Variants in CRYL1 observed in about 807,000 individuals in gnomAD.
CRYL1 encodes crystallin lambda 1.
A neutral mutation model predicts 36.6 loss-of-function variants in CRYL1; 29 were observed. The ratio of observed to expected loss-of-function variants is 0.79; its 90% confidence interval spans 0.59 to 1.08. The LOEUF is 1.08. Among genes scored for constraint, CRYL1 ranks in the 50% least tolerant of loss-of-function variants. The pLI is 0.00. For missense variants in CRYL1, 411 were observed against 407.9 expected (o/e 1.01, Z -0.06); for synonymous variants, 152 against 151.5 (o/e 1.00, Z -0.02).
At chr13:20,428,582 A>G (rs904718070) in intron 5 of CRYL1, among the ~76,000 whole-genome samples, 1 of 152,126 alleles carries the variant, frequency 6.6e-6, no homozygotes, top group Non-Finnish European at 1.5e-5. Flanking sequence ...AAGTCAATCC[A>G]TGGGATCCCT....
chr13:20,410,370 C>T (rs1173375230), intron 6 of CRYL1, among the ~76,000 whole-genome samples: 4 of 125,802 alleles, frequency 3.2e-5, no homozygotes, highest in African/African-American at 1.2e-4. Context: ...ACATCACACT[C>T]TGGGGACTGT....
intron 2 of CRYL1, among the ~76,000 whole-genome samples, chr13:20,505,152 T>TA (rs1332750936): frequency 1.3e-5 from 2 of 152,026 alleles, no homozygotes; most frequent in Non-Finnish European, 1.5e-5. Context: ...GATCAGGAGT[T>TA]AGAGACCAGC....
chr13:20,507,690 A>T (rs7995977), intron 2 of CRYL1, among the ~76,000 whole-genome samples: 261 of 151,986 alleles, frequency 1.7e-3, no homozygotes, highest in Middle Eastern at 0.01. Flanking sequence ...AGGCCAAGGC[A>T]GGCGGATCAC....
In CRYL1 at chr13:20,415,996, C is replaced by G. The variant is rs1205088419; in HGVS notation, c.634-2609G>C. On this transcript the variant is annotated intron_variant, in intron 5 of 7. Transcript: ENST00000298248. The surrounding 1 kb of genome is among the most constrained non-coding windows in gnomAD (Gnocchi z 4.1). ...TAGTCTGGGGCTCCTGTGAGCAGGG[C>G]AGCCAGGGTCACGCGCACAGGGCCC... Among the ~76,000 whole-genome samples, 1 of 152,218 alleles carries G rather than the reference C, an allele frequency of 6.6e-6. No homozygotes were observed. The highest frequency in any genetic ancestry group is 2.1e-4 in the South Asian group (1 of 4,838).
intron 3 of CRYL1, among the ~76,000 whole-genome samples, chr13:20,471,478 G>C (rs57102684): frequency 6.6e-6 from 1 of 151,830 alleles, no homozygotes. Context: ...GGTGGCGGTC[G>C]CCTGTAGTCC....
chr13:20,447,701 A>G lies in CRYL1; in HGVS notation c.277-7947T>C, dbSNP rs181239382. On this transcript the variant is annotated intron_variant, in intron 3 of 7. Transcript: ENST00000298248. ...ACCCCACAAAACCCTCTGGCCAACC[A>G]GTCCTCATCTTAAATACAAGGCATT... 2.7e-3 allele frequency among the ~76,000 whole-genome samples: 410 copies of G among 152,354 alleles called. 1 individual carries two copies. The highest frequency in any genetic ancestry group is 4.3e-3 in the Non-Finnish European group (292 of 68,034).
At chr13:20,428,134 A>T (rs1006008949) in intron 5 of CRYL1, among the ~76,000 whole-genome samples, 4 of 152,236 alleles carry the variant, frequency 2.6e-5, no homozygotes, top group African/African-American at 9.7e-5. Context: ...TCTTCCAGAA[A>T]ATAGGAGGAA....
intron 1 of CRYL1, among the ~76,000 whole-genome samples, chr13:20,523,727 A>T (rs1303009146): frequency 7.5e-4 from 114 of 152,046 alleles, no homozygotes; most frequent in Non-Finnish European, 1.5e-4. Flanking sequence ...GGGAAAGACA[A>T]GATTTTCACA....
At chr13:20,446,351 A>T (rs1042864278) in intron 3 of CRYL1, among the ~76,000 whole-genome samples, 5 of 152,184 alleles carry the variant, frequency 3.3e-5, no homozygotes, top group Non-Finnish European at 7.3e-5. Flanking sequence ...ACCTCAGGTG[A>T]TCCACCTGCC....
chr13:20,404,344 C>A, intron 7 of CRYL1, 102 bp from the exon 8 acceptor site: 1 of 787,638 alleles, frequency 1.3e-6, no homozygotes, highest in Non-Finnish European at 2.1e-6. Flanking sequence ...AAACTGCTTT[C>A]AAAGACAAAA....
chr13:20,428,123 C>G (rs887601115), intron 5 of CRYL1, among the ~76,000 whole-genome samples: 3 of 152,194 alleles, frequency 2.0e-5, no homozygotes, highest in Non-Finnish European at 4.4e-5. Flanking sequence ...TACACACAAT[C>G]TCTTCCAGAA....
chr13:20,432,288 C>A lies in CRYL1; in HGVS notation c.447G>T (p.Pro149=). The stretch of plus-strand genomic sequence containing the variant: ...GCTCAACCAGCGGGATGTAGTATGG[C>A]GGATTCACCTTAGGAGAGAGAGAGA... ...KQCIVAHPVN[P]PYYIPLVELV... Residue 149 remains proline, a synonymous_variant, in exon 5 of 8, where the codon CCG becomes CCT. Coordinates refer to ENST00000298248, the MANE Select transcript of CRYL1 (RefSeq NM_015974.3). 1 of 1,610,260 alleles carries A rather than the reference C, an allele frequency of 6.2e-7. No individual in the cohort carries two copies. Among genetic ancestry groups the A allele is most frequent in the Non-Finnish European group, 8.5e-7 (1 of 1,177,608 alleles).
At chr13:20,474,852 C>T (rs1281165862) in intron 3 of CRYL1, among the ~76,000 whole-genome samples, 1 of 152,064 alleles carries the variant, frequency 6.6e-6, no homozygotes, top group African/African-American at 2.4e-5. Flanking sequence ...GGAAGGAGAC[C>T]ATTTGGCCTT....
intron 2 of CRYL1, among the ~76,000 whole-genome samples, chr13:20,497,702 T>G (rs2033636573): frequency 2.1e-5 from 3 of 143,560 alleles, no homozygotes; most frequent in Admixed American, 2.1e-4. Flanking sequence ...ACCACATATA[T>G]GCCCTACACA....
intron 1 of CRYL1, among the ~76,000 whole-genome samples, chr13:20,524,869 G>A (rs930666695): frequency 6.6e-6 from 1 of 152,022 alleles, no homozygotes; most frequent in Non-Finnish European, 1.5e-5. Context: ...ACACTGATGG[G>A]GGGCGGAGTC....
chr13:20,429,948 C>T (rs941542577), intron 5 of CRYL1, among the ~76,000 whole-genome samples: 4 of 152,176 alleles, frequency 2.6e-5, no homozygotes, highest in African/African-American at 9.7e-5. Flanking sequence ...AACGGAGGTG[C>T]TGCCACTGAG....
chr13:20,508,598 G>C (rs556522495), intron 2 of CRYL1, among the ~76,000 whole-genome samples: 2 of 151,150 alleles, frequency 1.3e-5, no homozygotes, highest in East Asian at 3.9e-4. Context: ...TGTAATCCCA[G>C]CACTTTGGGA....
intron 5 of CRYL1, among the ~76,000 whole-genome samples, chr13:20,424,704 C>T (rs1332589860): frequency 1.3e-5 from 2 of 152,190 alleles, no homozygotes; most frequent in Admixed American, 1.3e-4. Flanking sequence ...ATTCCCCCAA[C>T]CCCCTGCAGA....
chr13:20,484,034 T>G (rs1010431341), intron 3 of CRYL1, among the ~76,000 whole-genome samples: 1 of 152,194 alleles, frequency 6.6e-6, no homozygotes. Flanking sequence ...GCCAGGATGG[T>G]CTCCATCTCC....
Sources: allele counts gnomAD v4.1 joint callset (sites outside exome capture counted in the v4.1 genomes callset), GRCh38; gene constraint gnomAD v4.1.1; non-coding constraint Gnocchi (gnomAD v3.1); transcripts MANE v1.5; gene names NCBI Gene and HGNC (gene_info 2026-07-23, HGNC 2026-07-21).